The following CELF2 variants were observed in gnomAD, a reference collection of about 807,000 sequenced individuals.
CELF2 encodes CUGBP Elav-like family member 2.
In CELF2, 8 loss-of-function variants were observed where a neutral mutation model predicts 62.6. The observed-to-expected ratio is 0.13, with a 90% CI of 0.07 to 0.23. The LOEUF (loss-of-function observed/expected upper bound fraction) is 0.23, where lower values mean the gene tolerates loss of function less well. CELF2 is among the 10% of genes least tolerant of loss of function. The probability of loss-of-function intolerance (pLI) is 1.00; values close to 1 mark genes in which losing one functional copy is unlikely to be tolerated. For missense variants in CELF2, 333 were observed against 671.0 expected (o/e 0.50, Z 5.56); for synonymous variants, 258 against 250.0 (o/e 1.03, Z -0.30).
chr10:10,918,653 A>G (rs569657303), intron 1 of CELF2, among the ~76,000 whole-genome samples: 1 of 152,310 alleles, frequency 6.6e-6, no homozygotes, highest in East Asian at 1.9e-4. Flanking sequence ...GTAGGAAAAG[A>G]AAATGTTCCT....
intron 2 of CELF2, among the ~76,000 whole-genome samples, chr10:10,956,684 T>G (rs944038225): frequency 1.3e-5 from 2 of 152,092 alleles, no homozygotes; most frequent in Non-Finnish European, 2.9e-5. Context: ...TCCCAGTGCT[T>G]TAGGAGGCCA....
the CELF2 span, among the ~76,000 whole-genome samples, chr10:10,527,870 C>T: frequency 6.6e-6 from 1 of 152,218 alleles, no homozygotes; most frequent in Non-Finnish European, 1.5e-5. Flanking sequence ...GTGTATAATT[C>T]TAACTCAAGT....
At chr10:11,092,843 A>G (rs964245612) in intron 1 of CELF2, among the ~76,000 whole-genome samples, 70 of 152,192 alleles carry the variant, frequency 4.6e-4, no homozygotes, top group African/African-American at 1.6e-3. Flanking sequence ...TCAGCATTCT[A>G]GACTGCTAAA....
intron 2 of CELF2, among the ~76,000 whole-genome samples, chr10:10,987,233 A>G (rs1044966785): frequency 6.6e-6 from 1 of 151,000 alleles, no homozygotes; most frequent in South Asian, 2.1e-4. Flanking sequence ...TAGTGAAAAC[A>G]TTGTAACAGC....
Position 11,207,072 on chromosome 10 carries a change from G to A in CELF2, c.272-10353G>A, listed in dbSNP as rs1481609664. ...TGTCTTATTTCAAAGAACCAGAGAA[G>A]GGGAAAAGCACATTCCAGCAATTTT... On this transcript the variant is annotated intron_variant, in intron 2 of 12. Transcript: ENST00000633077. The surrounding 1 kb of genome is among the most constrained non-coding windows in gnomAD (Gnocchi z 4.1). Among the ~76,000 whole-genome samples the A allele has an allele frequency of 6.6e-6, 1 of 152,210 alleles. No individual in the cohort carries two copies. The highest frequency in any genetic ancestry group is 1.5e-5 in the Non-Finnish European group (1 of 68,038).
intron 4 of CELF2, among the ~76,000 whole-genome samples, chr10:11,257,402 T>A (rs1188249490): frequency 6.6e-6 from 1 of 151,590 alleles, no homozygotes; most frequent in Non-Finnish European, 1.5e-5. Flanking sequence ...AATGGTAGTG[T>A]TGAACAGTTA....
chr10:11,031,508 G>C (rs563161838), intron 1 of CELF2, among the ~76,000 whole-genome samples: 1 of 152,284 alleles, frequency 6.6e-6, no homozygotes, highest in Admixed American at 6.5e-5. Flanking sequence ...AGTTAGAGTA[G>C]AATTCATGCA....
chr10:10,616,900 G>C, the CELF2 span, among the ~76,000 whole-genome samples: 3 of 151,670 alleles, frequency 2.0e-5, no homozygotes, highest in Admixed American at 1.3e-4. Context: ...GGGACCACAG[G>C]CATGCACCAT....
the CELF2 span, among the ~76,000 whole-genome samples, chr10:10,508,710 T>TATA: frequency 7.4e-4 from 19 of 25,818 alleles, 1 homozygote; most frequent in African/African-American, 2.4e-3. Context: ...GTGTGTATAT[T>TATA]TTTTTTTTTG....
At chr10:10,636,630 G>A in the CELF2 span, among the ~76,000 whole-genome samples, 3 of 152,092 alleles carry the variant, frequency 2.0e-5, no homozygotes, top group Admixed American at 6.5e-5. Context: ...TATCCAAGTC[G>A]ACTAGCAAGA....
chr10:10,545,247 A>T, the CELF2 span, among the ~76,000 whole-genome samples: 1 of 152,186 alleles, frequency 6.6e-6, no homozygotes, highest in Non-Finnish European at 1.5e-5. Context: ...CTCTATGGGG[A>T]TGCGTAGAGG....
At chr10:10,606,291 C>T in the CELF2 span, among the ~76,000 whole-genome samples, 4 of 152,048 alleles carry the variant, frequency 2.6e-5, no homozygotes, top group Admixed American at 2.6e-4. Flanking sequence ...TTCCAGGAGA[C>T]CTTAGAAGGA....
chr10:10,505,449 G>C, the CELF2 span, among the ~76,000 whole-genome samples: 4 of 152,092 alleles, frequency 2.6e-5, no homozygotes, highest in African/African-American at 9.7e-5. Flanking sequence ...GCTCAGCAGA[G>C]ATGAGAAAAG....
chr10:10,879,553 T>C (rs1424593361), intron 1 of CELF2, among the ~76,000 whole-genome samples: 1 of 152,216 alleles, frequency 6.6e-6, no homozygotes, highest in South Asian at 2.1e-4. Context: ...GTCCTGTGAT[T>C]AAATCATTTG....
At chr10:10,599,552 T>C in the CELF2 span, among the ~76,000 whole-genome samples, 187 of 152,210 alleles carry the variant, frequency 1.2e-3, 1 homozygote, top group African/African-American at 4.2e-3. Context: ...GAGTTGACAG[T>C]CAGAGAAACA....
At chr10:10,715,812 G>T in the CELF2 span, among the ~76,000 whole-genome samples, 1 of 152,120 alleles carries the variant, frequency 6.6e-6, no homozygotes, top group Non-Finnish European at 1.5e-5. Flanking sequence ...TATGCACAAA[G>T]CTCCTAGAAA....
At chr10:11,146,093 A>G (rs934505085) in intron 1 of CELF2, among the ~76,000 whole-genome samples, 1 of 152,214 alleles carries the variant, frequency 6.6e-6, no homozygotes, top group Non-Finnish European at 1.5e-5. Flanking sequence ...ATCCCAGCCC[A>G]GGATTGCATA....
In CELF2 at chr10:11,335,306, T is replaced by C. The variant is rs1358436283; in HGVS notation, c.*6253T>C. The C allele has an allele frequency of 6.6e-6, 1 of 152,362 alleles. No individual in the cohort carries two copies. Among genetic ancestry groups the C allele is most frequent in the Non-Finnish European group, 1.5e-5 (1 of 68,104 alleles). 9.4% of individuals were successfully genotyped at this position (152,362 alleles called of 1,614,324 possible). A position where few individuals can be genotyped will look rare whatever the true frequency, so the allele number is the denominator to read the frequency against. ...GCTCTTACAAGATTCCGTCGATGTT[T>C]GCTCCCTCTGTCTTATCTCTCCTTC... On this transcript the variant is annotated 3_prime_UTR_variant, in exon 13 of 13. Transcript: ENST00000633077. This position sits in a 1 kb window ranked among gnomAD's most constrained non-coding sequence, Gnocchi z 5.0.
chr10:10,778,077 C>T, the CELF2 span, among the ~76,000 whole-genome samples: 1 of 152,168 alleles, frequency 6.6e-6, no homozygotes, highest in Admixed American at 6.5e-5. Context: ...GGGGGCCCTG[C>T]ACCCCATATT....
Sources: allele counts gnomAD v4.1 joint callset (sites outside exome capture counted in the v4.1 genomes callset), GRCh38; gene constraint gnomAD v4.1.1; non-coding constraint Gnocchi (gnomAD v3.1); transcripts MANE v1.5; gene names NCBI Gene and HGNC (gene_info 2026-07-23, HGNC 2026-07-21).